The following ESPN variants were observed in gnomAD, a reference collection of about 807,000 sequenced individuals.
ESPN encodes autosomal recessive deafness type 36 protein.
A neutral mutation model predicts 77.7 loss-of-function variants in ESPN; 68 were observed. The ratio of observed to expected loss-of-function variants is 0.87; its 90% confidence interval spans 0.72 to 1.07. The LOEUF is 1.07. ESPN is among the 50% of genes least tolerant of loss of function. ESPN has a pLI of 0.00. For missense variants in ESPN, 1,060 were observed against 1,239.0 expected (o/e 0.86, Z 2.17); for synonymous variants, 449 against 567.1 (o/e 0.79, Z 2.96).
In ESPN at chr1:6,448,976, ACCGCCG is replaced by A; in HGVS notation, c.1809_1814del (p.Pro604_Pro605del). On this transcript the variant is annotated inframe_deletion, in exon 8 of 13. Coordinates refer to ENST00000645284, the MANE Select transcript of ESPN (RefSeq NM_031475.3). ...CCAGGGAGCTGCCACCGCCGCCCCC[ACCGCCG>A]CCGCCGCCCCTGCCGGAGGCCGCGA... 1.4e-6 allele frequency: 2 copies of A among 1,419,462 alleles called. No individual in the cohort carries two copies. The highest frequency in any genetic ancestry group is 1.4e-5 in the South Asian group (1 of 70,034). 87.9% of individuals were successfully genotyped at this position (1,419,462 alleles called of 1,614,324 possible).
intron 10 of ESPN, among the ~76,000 whole-genome samples, chr1:6,453,281 G>C (rs1447076168): frequency 1.3e-5 from 2 of 152,200 alleles, no homozygotes; most frequent in African/African-American, 2.4e-5. Context: ...AGGTGGCTGC[G>C]GACATGTGTG....
intron 1 of ESPN, among the ~76,000 whole-genome samples, chr1:6,426,812 G>A (rs919874885): frequency 6.6e-6 from 1 of 152,130 alleles, no homozygotes; most frequent in Non-Finnish European, 1.5e-5. Flanking sequence ...TGGGCTCGGA[G>A]GGGACAGACT....
At chr1:6,445,094 TGCACGC>T (rs1038060825) in intron 6 of ESPN, among the ~76,000 whole-genome samples, 5 of 149,162 alleles carry the variant, frequency 3.4e-5, no homozygotes, top group African/African-American at 4.9e-5. Flanking sequence ...ACTACAGATA[TGCACGC>T]ACACACACAC....
chr1:6,425,349 C>A, intron 1 of ESPN, 100 bp downstream of exon 1: 1 of 1,398,314 alleles, frequency 7.2e-7, no homozygotes, highest in Non-Finnish European at 9.7e-7. Context: ...GGGTTTGGCA[C>A]CTCCTGGCCC....
chr1:6,440,932 A>T lies in ESPN; in HGVS notation c.859-2A>T, dbSNP rs769833622. The stretch of plus-strand genomic sequence containing the variant: ...CCGGGTCCTCACTGCGTGCCCCCGC[A>T]GTGCTGCCAGATCCTGGTAGTGAAC... On this transcript the variant is annotated splice_acceptor_variant, in intron 4 of 12. Coordinates refer to ENST00000645284, the MANE Select transcript of ESPN (RefSeq NM_031475.3). LOFTEE classifies it high-confidence loss of function. 1.3e-6 allele frequency: 2 copies of T among 1,569,834 alleles called. No homozygotes were observed. The highest frequency in any genetic ancestry group is 4.7e-5 in the East Asian group (2 of 42,300).
In ESPN at chr1:6,460,292, C is replaced by T. The variant is rs887235435; in HGVS notation, c.*146C>T. 1 of 1,045,824 alleles carries T rather than the reference C, an allele frequency of 9.6e-7. No individual in the cohort carries two copies. Among genetic ancestry groups the T allele is most frequent in the Non-Finnish European group, 1.4e-6 (1 of 731,394 alleles). The allele number at this position is 1,045,824 out of a possible 1,614,324, so 64.8% of individuals were successfully genotyped here. Reference sequence around the variant, plus strand: ...CCCTCCCTGACCCCCACCCTGGCCCCCCGTATCCCCAGCCCTTGGCAACAC... The same window carrying T: ...CCCTCCCTGACCCCCACCCTGGCCCTCCGTATCCCCAGCCCTTGGCAACAC... On this transcript the variant is annotated 3_prime_UTR_variant, in exon 13 of 13. Transcript: ENST00000645284.
chr1:6,433,606 C>T (rs1051731070), intron 2 of ESPN, among the ~76,000 whole-genome samples: 1 of 132,610 alleles, frequency 7.5e-6, no homozygotes, highest in Non-Finnish European at 1.7e-5. Flanking sequence ...GAATCCATTT[C>T]AAAAAAAAAA....
At position 6,445,702 on chromosome 1, in the gene ESPN, A is replaced by G. The variant is rs759657307; in HGVS notation, c.1231A>G (p.Met411Val). Residue 411 changes from methionine to valine, a missense_variant, in exon 7 of 13, where the codon ATG becomes GTG. Met to Val is a conservative substitution (Grantham distance 21). Transcript: ENST00000645284. ...TAGAGCTGCAGACATACAGAGCTAC[A>G]TGGACATGCTGAACCCGGAGCTGGG... ...SARAADIQSYMDMLNPELGLP... is the reference protein window; with the variant it reads ...SARAADIQSYVDMLNPELGLP... 1.2e-6 allele frequency: 2 copies of G among 1,612,556 alleles called. No individual in the cohort carries two copies.
intron 5 of ESPN, among the ~76,000 whole-genome samples, chr1:6,442,842 TG>T (rs1359093624): frequency 8.2e-6 from 1 of 122,356 alleles, no homozygotes; most frequent in Non-Finnish European, 1.6e-5. Context: ...CACTCCAGCC[TG>T]GGTGACAGAG....
intron 10 of ESPN, 80 bp downstream of exon 10, chr1:6,452,176 C>G (rs1569730945): frequency 7.1e-7 from 1 of 1,403,106 alleles, no homozygotes; most frequent in African/African-American, 1.5e-5. Context: ...CCCCCAACCC[C>G]AACCTCGGGA....
chr1:6,439,420 A>G (rs1217260863), intron 2 of ESPN, among the ~76,000 whole-genome samples: 1 of 152,212 alleles, frequency 6.6e-6, no homozygotes, highest in Non-Finnish European at 1.5e-5. Flanking sequence ...CTGGGAACTC[A>G]GTCTTCTGGG....
downstream of ESPN, chr1:6,461,079 G>A (rs976512890): frequency 7.9e-6 from 4 of 503,920 alleles, no homozygotes; most frequent in South Asian, 3.2e-5. The surrounding 1 kb of genome is among the most constrained non-coding windows in gnomAD (Gnocchi z 6.3). Context: ...CAAGATTCCC[G>A]TCCCCTTCGA....
At chr1:6,448,430 G>C (rs1474839198) in intron 7 of ESPN, 5 of 525,894 alleles carry the variant, frequency 9.5e-6, no homozygotes, top group Non-Finnish European at 1.7e-5. Flanking sequence ...ACCCCTCCCT[G>C]TAAGGCGGGC....
chr1:6,454,989 C>A, intron 10 of ESPN: 2 of 377,386 alleles, frequency 5.3e-6, no homozygotes, highest in African/African-American at 2.1e-5. Flanking sequence ...GCTGCGCGCA[C>A]GGGGCGCGGC....
chr1:6,454,135 A>C (rs184723049), intron 10 of ESPN, among the ~76,000 whole-genome samples: 3,662 of 152,282 alleles, frequency 0.024, 137 homozygotes, highest in African/African-American at 0.083. Flanking sequence ...TGAGCGAACA[A>C]GCCAGGCATG....
rs532427678 is a variant in ESPN at position 6,451,487 on chromosome 1, G to A, written c.1916-116G>A. The A allele has an allele frequency of 4.4e-4, 626 of 1,414,580 alleles. 2 individuals carry two copies. The highest frequency in any genetic ancestry group is 2.6e-3 in the Middle Eastern group (11 of 4,202). 87.6% of individuals were successfully genotyped at this position (1,414,580 alleles called of 1,614,324 possible). On this transcript the variant is annotated intron_variant, in intron 8 of 12. Coordinates refer to ENST00000645284, the MANE Select transcript of ESPN (RefSeq NM_031475.3). The surrounding 1 kb of genome is among the most constrained non-coding windows in gnomAD (Gnocchi z 4.3). ...GATCTGGAGAGCTGCCCGCTGGCCC[G>A]GAGGATGGGCACCCATCCAATCTTG... is the stretch of plus-strand genomic sequence containing the variant.
Position 6,448,961 on chromosome 1 carries a change from G to GCCACCGCCGCCC in ESPN, c.1797_1808dup (p.Pro602_Pro605dup), listed in dbSNP as rs548962140. 5 of 1,423,814 alleles carry GCCACCGCCGCCC rather than the reference G, an allele frequency of 3.5e-6. No homozygotes were observed. Among genetic ancestry groups the GCCACCGCCGCCC allele is most frequent in the African/African-American group, 1.5e-5 (1 of 66,378 alleles). 88.2% of individuals were successfully genotyped at this position (1,423,814 alleles called of 1,614,324 possible). ...CGGACCCCAAGGCGTCCAGGGAGCTGCCACCGCCGCCCCCACCGCCGCCGC... is the reference window on the plus strand; with the variant it reads ...CGGACCCCAAGGCGTCCAGGGAGCTGCCACCGCCGCCCCCACCGCCGCCCCCACCGCCGCCGC... On this transcript the variant is annotated inframe_insertion, in exon 8 of 13. Coordinates refer to ENST00000645284, the MANE Select transcript of ESPN (RefSeq NM_031475.3).
chr1:6,461,077 C>A, downstream of ESPN: 1 of 499,880 alleles, frequency 2.0e-6, no homozygotes, highest in Non-Finnish European at 4.0e-6. This position sits in a 1 kb window ranked among gnomAD's most constrained non-coding sequence, Gnocchi z 6.3. Flanking sequence ...GACAAGATTC[C>A]CGTCCCCTTC....
At chr1:6,458,623 A>C (rs1429532657) in intron 12 of ESPN, among the ~76,000 whole-genome samples, 1 of 151,636 alleles carries the variant, frequency 6.6e-6, no homozygotes, top group African/African-American at 2.4e-5. Context: ...GCCTGCAAAA[A>C]AAATTTTTTT....
Sources: gnomAD v4.1 joint callset for allele counts (sites outside exome capture counted in the v4.1 genomes callset) on GRCh38, gnomAD v4.1.1 for gene constraint, Gnocchi (gnomAD v3.1) non-coding constraint, MANE v1.5 for transcripts, NCBI Gene and HGNC (gene_info 2026-07-23, HGNC 2026-07-21) for gene names.